CSNK2A2IP: variants seen among roughly 807,000 people sequenced by gnomAD.
CSNK2A2IP encodes casein kinase 2 subunit alpha' interacting protein, also known as casein kinase II subunit alpha'-interacting protein.
chr3:88,351,340 C>T, the CSNK2A2IP span, among the ~76,000 whole-genome samples: 2 of 152,050 alleles, frequency 1.3e-5, no homozygotes, highest in African/African-American at 2.4e-5. Context: ...TAGATAAATA[C>T]ATCTGTTTTT....
the CSNK2A2IP span, among the ~76,000 whole-genome samples, chr3:88,404,987 T>A: frequency 3.3e-5 from 5 of 152,146 alleles, no homozygotes; most frequent in African/African-American, 1.2e-4. Flanking sequence ...CCTCCACCAT[T>A]CTTTAGGTGA....
At chr3:88,338,898 AT>A in the CSNK2A2IP span, among the ~76,000 whole-genome samples, 3 of 152,066 alleles carry the variant, frequency 2.0e-5, no homozygotes, top group East Asian at 1.9e-4. Flanking sequence ...TGCTTTATTT[AT>A]TTTTTTAATT....
At chr3:88,452,278 T>C in the CSNK2A2IP span, among the ~76,000 whole-genome samples, 1 of 152,092 alleles carries the variant, frequency 6.6e-6, no homozygotes, top group Non-Finnish European at 1.5e-5. Flanking sequence ...TTTAAAGTTA[T>C]TTCTGAGAAA....
chr3:88,360,800 A>C, the CSNK2A2IP span, among the ~76,000 whole-genome samples: 12 of 146,628 alleles, frequency 8.2e-5, no homozygotes, highest in African/African-American at 2.9e-4. Flanking sequence ...TTTCTCTGGC[A>C]GTATGTTTTA....
chr3:88,412,846 A>T, the CSNK2A2IP span, among the ~76,000 whole-genome samples: 9 of 152,056 alleles, frequency 5.9e-5, no homozygotes, highest in African/African-American at 2.2e-4. Context: ...TATAGAAAAG[A>T]TACAGTAAAA....
chr3:88,392,931 A>T, the CSNK2A2IP span, among the ~76,000 whole-genome samples: 1 of 152,168 alleles, frequency 6.6e-6, no homozygotes, highest in Non-Finnish European at 1.5e-5. Context: ...TGAGAGATAG[A>T]TAATTAATAG....
chr3:88,432,749 ATAT>A, the CSNK2A2IP span, among the ~76,000 whole-genome samples: 6 of 150,664 alleles, frequency 4.0e-5, no homozygotes, highest in African/African-American at 1.5e-4. Context: ...TTTAAAAATG[ATAT>A]TATATTATTA....
At chr3:88,382,080 C>T in the CSNK2A2IP span, among the ~76,000 whole-genome samples, 10 of 152,202 alleles carry the variant, frequency 6.6e-5, no homozygotes, top group African/African-American at 2.4e-4. Context: ...TGATTCTTCA[C>T]CCAATTTTCC....
chr3:88,346,516 A>G, the CSNK2A2IP span, among the ~76,000 whole-genome samples: 1 of 151,982 alleles, frequency 6.6e-6, no homozygotes, highest in South Asian at 2.1e-4. Flanking sequence ...CATTTCAAAA[A>G]TTGTAGAGCC....
At chr3:88,405,774 T>C in the CSNK2A2IP span, among the ~76,000 whole-genome samples, 1 of 152,184 alleles carries the variant, frequency 6.6e-6, no homozygotes, top group South Asian at 2.1e-4. Context: ...TTATTTCACT[T>C]TTCCCTGATT....
chr3:88,416,373 T>C, the CSNK2A2IP span, among the ~76,000 whole-genome samples: 2 of 152,108 alleles, frequency 1.3e-5, no homozygotes, highest in Admixed American at 6.6e-5. Context: ...TGCCTTTGCT[T>C]TTTGTTTATA....
chr3:88,433,741 C>T, the CSNK2A2IP span, among the ~76,000 whole-genome samples: 1 of 152,156 alleles, frequency 6.6e-6, no homozygotes, highest in African/African-American at 2.4e-5. Context: ...GGACGTTGTG[C>T]TTTCTGTTGC....
the CSNK2A2IP span, among the ~76,000 whole-genome samples, chr3:88,435,113 T>C: frequency 6.6e-6 from 1 of 152,128 alleles, no homozygotes; most frequent in Non-Finnish European, 1.5e-5. Context: ...GGTTCTGTTG[T>C]TTGCCTGCAA....
the CSNK2A2IP span, among the ~76,000 whole-genome samples, chr3:88,399,378 T>C: frequency 5.3e-5 from 8 of 152,124 alleles, no homozygotes; most frequent in Non-Finnish European, 7.4e-5. Flanking sequence ...TATTTAGAAG[T>C]GATTATCCAG....
the CSNK2A2IP span, among the ~76,000 whole-genome samples, chr3:88,371,637 T>C: frequency 2.0e-5 from 3 of 151,688 alleles, no homozygotes; most frequent in Non-Finnish European, 3.0e-5. Context: ...GAAAAATATT[T>C]CCAGAGATGA....
the CSNK2A2IP span, among the ~76,000 whole-genome samples, chr3:88,447,192 C>A: frequency 6.6e-6 from 1 of 151,700 alleles, no homozygotes; most frequent in Admixed American, 6.6e-5. Flanking sequence ...ATAAAAATGA[C>A]CAAGGAGTTA....
chr3:88,361,103 T>G, the CSNK2A2IP span, among the ~76,000 whole-genome samples: 1 of 152,230 alleles, frequency 6.6e-6, no homozygotes, highest in African/African-American at 2.4e-5. Flanking sequence ...TTGGTAGATT[T>G]GTCTTTTAGT....
the CSNK2A2IP span, among the ~76,000 whole-genome samples, chr3:88,446,094 CT>C: frequency 1.3e-5 from 1 of 75,038 alleles, no homozygotes. Context: ...TTCTTTCTTT[CT>C]TTCTTTTTTT....
At chr3:88,346,803 TGC>T in the CSNK2A2IP span, among the ~76,000 whole-genome samples, 1 of 151,238 alleles carries the variant, frequency 6.6e-6, no homozygotes, top group Non-Finnish European at 1.5e-5. Context: ...ACATCCATTC[TGC>T]AGCACATAGA....
Sources: gnomAD v4.1 joint callset for allele counts (sites outside exome capture counted in the v4.1 genomes callset) on GRCh38, gnomAD v4.1.1 for gene constraint, MANE v1.5 for transcripts, NCBI Gene and HGNC (gene_info 2026-07-23, HGNC 2026-07-21) for gene names.